Variants in HNF4G observed in about 807,000 individuals in gnomAD.
The protein encoded by HNF4G is hepatocyte nuclear factor 4 gamma.
HNF4G carries 21 observed loss-of-function variants against 50.9 expected under a neutral mutation model. The ratio of observed to expected loss-of-function variants is 0.41; its 90% CI spans 0.29 to 0.59. HNF4G has a LOEUF of 0.59. Ranked by LOEUF, HNF4G falls within the 20% of genes least tolerant of loss-of-function variation. The pLI, the probability that HNF4G is intolerant of heterozygous loss-of-function variation, is 0.26. For missense variants in HNF4G, 527 were observed against 559.4 expected, an observed-to-expected ratio of 0.94 and a Z score of 0.58; for synonymous variants, 198 against 185.6, an observed-to-expected ratio of 1.07 and a Z score of -0.54.
chr8:75,434,675 AACACACACACACACAC>A (rs36098920), intron 1 of HNF4G, among the ~76,000 whole-genome samples: 1 of 145,700 alleles, frequency 6.9e-6, no homozygotes, highest in East Asian at 2.0e-4. Context: ...CAACAAGGCC[AACACACACACACACAC>A]ACACACACAC....
rs5892492 is a variant in HNF4G, at chr8:75,409,480, C to CTTTTTTTT, written c.-144+1335_-144+1342dup. ...AGTATTTGTTTTTGAGTGCCTTGTT[C>CTTTTTTTT]TTTTTTTTTTTTTTTTTTTTTTTTC... On this transcript the variant is annotated intron_variant, in intron 1 of 10. Transcript: ENST00000354370. 2.9e-3 allele frequency among the ~76,000 whole-genome samples: 195 copies of CTTTTTTTT among 67,280 alleles called. 1 individual carries two copies. Among genetic ancestry groups the CTTTTTTTT allele is most frequent in the African/African-American group, 4.2e-3 (69 of 16,588 alleles). The allele number at this position is 67,280 out of a possible 152,430, so 44.1% of individuals were successfully genotyped here. A position where few individuals can be genotyped will look rare whatever the true frequency, so the allele number is the denominator to read the frequency against.
chr8:75,411,711 G>A (rs755693972), intron 1 of HNF4G, among the ~76,000 whole-genome samples: 10 of 152,136 alleles, frequency 6.6e-5, no homozygotes, highest in Non-Finnish European at 7.3e-5. Context: ...GGGAAGCTGC[G>A]TGGTGTATAA....
intron 2 of HNF4G, among the ~76,000 whole-genome samples, chr8:75,492,152 T>C (rs1213700182): frequency 1.3e-5 from 2 of 152,230 alleles, no homozygotes; most frequent in African/African-American, 4.8e-5. Context: ...ATTCCTGGCT[T>C]GAAATGCTTG....
At chr8:75,545,281 G>T (rs1806742587) in intron 2 of HNF4G, among the ~76,000 whole-genome samples, 2 of 139,436 alleles carry the variant, frequency 1.4e-5, no homozygotes, top group African/African-American at 5.5e-5. Context: ...GTAAAATGAT[G>T]ATCCAAACAA....
chr8:75,465,754 GA>G (rs1171805852), intron 1 of HNF4G, among the ~76,000 whole-genome samples: 1 of 152,138 alleles, frequency 6.6e-6, no homozygotes, highest in African/African-American at 2.4e-5. Flanking sequence ...GAACTGATCA[GA>G]GGGGAAAAAA....
intron 2 of HNF4G, chr8:75,526,810 G>A (rs566537970): frequency 7.6e-4 from 115 of 150,944 alleles, no homozygotes; most frequent in Non-Finnish European, 1.3e-3. Flanking sequence ...TCTGTCGCCC[G>A]GGCTAGAGTG....
intron 2 of HNF4G, chr8:75,527,201 C>G (rs767163548): frequency 3.9e-5 from 6 of 152,028 alleles, no homozygotes; most frequent in Non-Finnish European, 8.8e-5. Context: ...TGGAGCAAAA[C>G]GGCTATGATG....
chr8:75,416,299 G>C (rs907343127), intron 1 of HNF4G, among the ~76,000 whole-genome samples: 1 of 152,098 alleles, frequency 6.6e-6, no homozygotes, highest in Non-Finnish European at 1.5e-5. Flanking sequence ...CATGCAATTA[G>C]AACATCAGAT....
chr8:75,494,548 A>G (rs1812719021), intron 2 of HNF4G, among the ~76,000 whole-genome samples: 1 of 152,170 alleles, frequency 6.6e-6, no homozygotes, highest in Non-Finnish European at 1.5e-5. Context: ...TGAACGTAAT[A>G]AATAAAGATT....
intron 1 of HNF4G, among the ~76,000 whole-genome samples, chr8:75,483,776 ATT>A (rs1001055804): frequency 6.6e-6 from 1 of 152,214 alleles, no homozygotes; most frequent in African/African-American, 2.4e-5. Flanking sequence ...ATCTCTTAAA[ATT>A]TATTATAATA....
At chr8:75,467,039 T>C (rs548242251) in intron 1 of HNF4G, among the ~76,000 whole-genome samples, 6 of 152,236 alleles carry the variant, frequency 3.9e-5, no homozygotes, top group South Asian at 4.1e-4. Flanking sequence ...TTGAGGAGTA[T>C]ACTTTTTCTT....
intron 1 of HNF4G, among the ~76,000 whole-genome samples, chr8:75,439,285 T>C (rs1405895407): frequency 6.6e-6 from 1 of 152,006 alleles, no homozygotes; most frequent in Non-Finnish European, 1.5e-5. Flanking sequence ...TTTTCAAAAT[T>C]CATTTTCAAA....
intron 1 of HNF4G, among the ~76,000 whole-genome samples, chr8:75,449,005 G>A (rs961240172): frequency 4.6e-5 from 7 of 152,112 alleles, no homozygotes; most frequent in African/African-American, 1.7e-4. Context: ...CAAAAACTGA[G>A]ATTTGGGGGG....
chr8:75,561,228 C>A (rs181110578), intron 9 of HNF4G, among the ~76,000 whole-genome samples: 38 of 152,300 alleles, frequency 2.5e-4, no homozygotes, highest in African/African-American at 8.9e-4. Flanking sequence ...CCCCTTTCGA[C>A]ACATCCAGCT....
chr8:75,534,194 A>T (rs1806401516), intron 2 of HNF4G, among the ~76,000 whole-genome samples: 1 of 151,954 alleles, frequency 6.6e-6, no homozygotes, highest in Non-Finnish European at 1.5e-5. Flanking sequence ...AGCAACAATG[A>T]TAATACCCAT....
chr8:75,514,341 T>A (rs1182105485), intron 2 of HNF4G, among the ~76,000 whole-genome samples: 1 of 110,766 alleles, frequency 9.0e-6, no homozygotes, highest in Non-Finnish European at 2.0e-5. Context: ...TTTTTTTCCT[T>A]TCTTTCTTCT....
At chr8:75,555,864 A>G in intron 5 of HNF4G, 118 bp from the exon 6 acceptor site, 1 of 493,356 alleles carries the variant, frequency 2.0e-6, no homozygotes. Flanking sequence ...TATGAATACT[A>G]TAGTTTGTTA....
chr8:75,518,443 A>T (rs1335256771), intron 2 of HNF4G, among the ~76,000 whole-genome samples: 2 of 152,124 alleles, frequency 1.3e-5, no homozygotes, highest in African/African-American at 4.8e-5. Context: ...GGGATCTAGA[A>T]CTAGAAATAC....
intron 1 of HNF4G, among the ~76,000 whole-genome samples, chr8:75,436,918 C>G (rs1008472888): frequency 1.3e-5 from 2 of 152,162 alleles, no homozygotes; most frequent in Non-Finnish European, 2.9e-5. Flanking sequence ...GTGGTGCATG[C>G]CTGTAGTCCC....
Sources: allele counts gnomAD v4.1 joint callset (sites outside exome capture counted in the v4.1 genomes callset), GRCh38; gene constraint gnomAD v4.1.1; transcripts MANE v1.5; gene names NCBI Gene and HGNC (gene_info 2026-07-23, HGNC 2026-07-21).